Variants in SNX30 observed in about 807,000 individuals in gnomAD.
The protein encoded by SNX30 is sorting nexin family member 30, also known as sorting nexin-30.
SNX30 carries 24 observed loss-of-function variants against 46.4 expected under a neutral mutation model. The observed-to-expected ratio is 0.52, with a 90% CI of 0.37 to 0.73. The LOEUF (loss-of-function observed/expected upper bound fraction) is 0.73. Among genes scored for constraint, SNX30 ranks in the 30% least tolerant of loss-of-function variants. The pLI is 0.00. For synonymous variants in SNX30, 189 were observed against 211.5 expected (o/e 0.89, Z 0.92); for missense variants, 533 against 555.7 (o/e 0.96, Z 0.41).
intron 4 of SNX30, among the ~76,000 whole-genome samples, chr9:112,835,974 T>G (rs1260461925): frequency 6.6e-6 from 1 of 152,156 alleles, no homozygotes; most frequent in Non-Finnish European, 1.5e-5. Context: ...TGAATTTGAT[T>G]AAGGATTGGC....
intron 1 of SNX30, among the ~76,000 whole-genome samples, chr9:112,778,468 C>T (rs938247883): frequency 1.3e-5 from 2 of 152,070 alleles, no homozygotes; most frequent in African/African-American, 4.8e-5. Context: ...GAGGGGGTTT[C>T]GCCATGTTGG....
At chr9:112,810,851 G>T (rs951290181) in intron 2 of SNX30, among the ~76,000 whole-genome samples, 1 of 152,116 alleles carries the variant, frequency 6.6e-6, no homozygotes, top group Non-Finnish European at 1.5e-5. Flanking sequence ...TGGATGGCAC[G>T]AGCCTCAGAA....
At chr9:112,756,509 A>G (rs1839352425) in intron 1 of SNX30, among the ~76,000 whole-genome samples, 1 of 130,760 alleles carries the variant, frequency 7.6e-6, no homozygotes, top group Non-Finnish European at 1.5e-5. Context: ...CAATGGCACG[A>G]TCTCAGCTCA....
intron 4 of SNX30, among the ~76,000 whole-genome samples, chr9:112,832,452 GA>G (rs1840675711): frequency 8.3e-6 from 1 of 120,424 alleles, no homozygotes; most frequent in African/African-American, 3.9e-5. Context: ...GAGAGAGAGA[GA>G]GAGAGAGTGT....
intron 6 of SNX30, among the ~76,000 whole-genome samples, chr9:112,838,958 T>G (rs1255352383): frequency 6.6e-6 from 1 of 152,012 alleles, no homozygotes; most frequent in Non-Finnish European, 1.5e-5. Flanking sequence ...GCCTATGAAA[T>G]AAGAACAAAG....
At chr9:112,831,438 C>T (rs1311752391) in intron 4 of SNX30, among the ~76,000 whole-genome samples, 2 of 152,114 alleles carry the variant, frequency 1.3e-5, no homozygotes, top group Non-Finnish European at 2.9e-5. Context: ...TGGGTGAGGC[C>T]AGTCTGACCA....
At chr9:112,875,610 G>A (rs1841508956), downstream of SNX30, among the ~76,000 whole-genome samples, 2 of 152,150 alleles carry the variant, frequency 1.3e-5, no homozygotes, top group Admixed American at 1.3e-4. Flanking sequence ...GTTGTCGATA[G>A]GACTAGCAAT....
intron 1 of SNX30, among the ~76,000 whole-genome samples, chr9:112,798,284 C>T (rs1840147816): frequency 1.6e-5 from 1 of 63,944 alleles, no homozygotes; most frequent in Non-Finnish European, 3.0e-5. Context: ...CCCCCTCCCC[C>T]GACCCCACCA....
At chr9:112,822,999 T>C (rs937341790) in intron 3 of SNX30, among the ~76,000 whole-genome samples, 1 of 51,158 alleles carries the variant, frequency 2.0e-5, no homozygotes, top group African/African-American at 6.7e-5. Context: ...TTATAATTGT[T>C]CTGTTTTATT....
At chr9:112,776,220 T>G (rs1839745877) in intron 1 of SNX30, among the ~76,000 whole-genome samples, 1 of 152,240 alleles carries the variant, frequency 6.6e-6, no homozygotes, top group Non-Finnish European at 1.5e-5. Flanking sequence ...ATCTGAGTTT[T>G]GGTCTGTCCT....
chr9:112,782,012 C>T (rs1268628637), intron 1 of SNX30, among the ~76,000 whole-genome samples: 1 of 152,056 alleles, frequency 6.6e-6, no homozygotes, highest in Non-Finnish European at 1.5e-5. Context: ...ATATTCTGTG[C>T]CATGTGAAAA....
intron 1 of SNX30, among the ~76,000 whole-genome samples, chr9:112,796,595 A>G (rs887395533): frequency 1.1e-4 from 16 of 152,142 alleles, no homozygotes; most frequent in African/African-American, 3.9e-4. Flanking sequence ...AACGGAAGAG[A>G]AGCGGAGGGG....
chr9:112,779,258 A>G (rs1396936405), intron 1 of SNX30, among the ~76,000 whole-genome samples: 1 of 152,210 alleles, frequency 6.6e-6, no homozygotes, highest in Non-Finnish European at 1.5e-5. Flanking sequence ...AGACTGTGTG[A>G]GTGGGAAGAG....
chr9:112,838,707 C>A lies in SNX30; in HGVS notation c.1014+10C>A. 1.2e-6 allele frequency: 2 copies of A among 1,612,148 alleles called. No homozygotes were observed. Among genetic ancestry groups the A allele is most frequent in the Non-Finnish European group, 1.7e-6 (2 of 1,178,626 alleles). On this transcript the variant is annotated intron_variant, in intron 6 of 8. Coordinates refer to ENST00000374232, the MANE Select transcript of SNX30 (RefSeq NM_001012994.2). ...CTCTGACTCCATGAAGGTAAGCTGG[C>A]TTGCTTCTTGTGTATTTGCATACTT...
At chr9:112,781,797 A>G (rs569978088) in intron 1 of SNX30, among the ~76,000 whole-genome samples, 1 of 149,344 alleles carries the variant, frequency 6.7e-6, no homozygotes, top group African/African-American at 2.5e-5. Context: ...ACGCTTGGCT[A>G]ATTTTTTTTT....
rs151118474 is a variant in SNX30, at chr9:112,774,493, C to T, written c.156+23336C>T. ...AATTCCTAGAAAGACACAAATAAAG[C>T]TGCCGTGATCATTCATGTGCAAGTC... On this transcript the variant is annotated intron_variant, in intron 1 of 8. Coordinates refer to ENST00000374232, the MANE Select transcript of SNX30 (RefSeq NM_001012994.2). Among the ~76,000 whole-genome samples the T allele has an allele frequency of 3.0e-3, 452 of 152,270 alleles. 1 individual carries two copies. Among genetic ancestry groups the T allele is most frequent in the Middle Eastern group, 6.8e-3 (2 of 294 alleles).
chr9:112,857,765 CATG>C (rs1329147408), intron 7 of SNX30, among the ~76,000 whole-genome samples: 1 of 116,922 alleles, frequency 8.6e-6, no homozygotes. Flanking sequence ...CGCATGCATG[CATG>C]CATCCATCCA....
chr9:112,787,101 C>T (rs866592581), intron 1 of SNX30, among the ~76,000 whole-genome samples: 13 of 152,172 alleles, frequency 8.5e-5, no homozygotes, highest in Admixed American at 1.3e-4. Flanking sequence ...GCCATCTGTA[C>T]TTTTGGGTTG....
At chr9:112,779,927 AG>A (rs990473935) in intron 1 of SNX30, among the ~76,000 whole-genome samples, 25 of 152,182 alleles carry the variant, frequency 1.6e-4, no homozygotes, top group African/African-American at 5.8e-4. Context: ...GAGCAACGAC[AG>A]GCTGTCACTG....
Sources: allele counts gnomAD v4.1 joint callset (sites outside exome capture counted in the v4.1 genomes callset), GRCh38; gene constraint gnomAD v4.1.1; transcripts MANE v1.5; gene names NCBI Gene and HGNC (gene_info 2026-07-23, HGNC 2026-07-21).